PLXNA2: variants seen among roughly 807,000 people sequenced by gnomAD.
PLXNA2 encodes plexin A2.
In PLXNA2, 91 loss-of-function variants were observed where a neutral mutation model predicts 193.5. The ratio of observed to expected loss-of-function variants is 0.47; its 90% confidence interval spans 0.40 to 0.56. The LOEUF (loss-of-function observed/expected upper bound fraction) is 0.56, where lower values mean the gene tolerates loss of function less well. Among genes scored for constraint, PLXNA2 ranks in the 20% least tolerant of loss-of-function variants. The pLI is 0.00. For missense variants in PLXNA2, 1,995 were observed against 2,503.2 expected (o/e 0.80, Z 4.33); for synonymous variants, 997 against 1,027.3 (o/e 0.97, Z 0.56).
rs1357320282 is a variant in PLXNA2 at position 208,022,510 on chromosome 1, C to T, written c.*4733G>A. 6.6e-6 allele frequency: 1 copy of T among 152,466 alleles called. No individual in the cohort carries two copies. The highest frequency in any genetic ancestry group is 1.9e-4 in the East Asian group (1 of 5,200). 9.4% of individuals were successfully genotyped at this position (152,466 alleles called of 1,614,324 possible). A position where few individuals can be genotyped will look rare whatever the true frequency, so the allele number is the denominator to read the frequency against. ...TTAAAAATATATATAATACAGATTC[C>T]AGTGTGTCAAGAGGAGTGGGTTTGA... On this transcript the variant is annotated 3_prime_UTR_variant, in exon 32 of 32. Transcript: ENST00000367033.
intron 3 of PLXNA2, among the ~76,000 whole-genome samples, chr1:208,205,038 G>A (rs752677316): frequency 6.6e-5 from 10 of 152,198 alleles, no homozygotes; most frequent in African/African-American, 9.6e-5. Context: ...GGGTTGAGGC[G>A]GCAGTTTAGC....
intron 22 of PLXNA2, 62 bp downstream of exon 22, chr1:208,042,036 T>C: frequency 6.5e-7 from 1 of 1,548,190 alleles, no homozygotes; most frequent in South Asian, 1.2e-5. Context: ...CCTGCTATAA[T>C]GAGGTGCTCT....
rs140725582 is a variant in PLXNA2 at position 208,185,782 on chromosome 1, T to C, written c.1371+24498A>G. The stretch of plus-strand genomic sequence containing the variant: ...CTTAAGAGAGTAATAAGCTTTGTGT[T>C]CCTCCAGCTGGCTGCAAAAGGGAAT... On this transcript the variant is annotated intron_variant, in intron 3 of 31. Transcript: ENST00000367033. Among the ~76,000 whole-genome samples the C allele has an allele frequency of 6.1e-3, 922 of 151,500 alleles. 12 individuals are homozygous for C. Among genetic ancestry groups the C allele is most frequent in the African/African-American group, 0.021 (861 of 41,170 alleles).
chr1:208,134,548 C>T (rs1033187171), intron 4 of PLXNA2, among the ~76,000 whole-genome samples: 2 of 152,128 alleles, frequency 1.3e-5, no homozygotes, highest in Admixed American at 6.5e-5. Flanking sequence ...AGCAGCAATT[C>T]GCTTATCCTC....
At chr1:208,175,122 C>T (rs1669621678) in intron 3 of PLXNA2, among the ~76,000 whole-genome samples, 1 of 152,110 alleles carries the variant, frequency 6.6e-6, no homozygotes, top group East Asian at 1.9e-4. Flanking sequence ...GCTGATCCTG[C>T]AGGAATCTTT....
In PLXNA2 at chr1:208,039,606, T is replaced by C; in HGVS notation, c.4500+15A>G. 1 of 1,612,930 alleles carries C rather than the reference T, an allele frequency of 6.2e-7. No individual in the cohort carries two copies. Among genetic ancestry groups the C allele is most frequent in the Non-Finnish European group, 8.5e-7 (1 of 1,179,994 alleles). ...GAAGATACACAGGCGGGCCCGGAGC[T>C]TCCGGCTTCCTCACCAGGGTCTTGT... On this transcript the variant is annotated intron_variant, in intron 24 of 31. Coordinates refer to ENST00000367033, the MANE Select transcript of PLXNA2 (RefSeq NM_025179.4).
chr1:208,030,536 C>T, intron 29 of PLXNA2: 1 of 985,436 alleles, frequency 1.0e-6, no homozygotes, highest in Non-Finnish European at 1.2e-6. Flanking sequence ...CTGTTCGTTT[C>T]ACTCCACTGT....
At position 208,236,146 on chromosome 1, in the gene PLXNA2, G is replaced by C. The variant is rs1296271048; in HGVS notation, c.-81+7497C>G. 6.6e-6 allele frequency among the ~76,000 whole-genome samples: 1 copy of C among 152,172 alleles called. No individual in the cohort carries two copies. Among genetic ancestry groups the C allele is most frequent in the Non-Finnish European group, 1.5e-5 (1 of 68,038 alleles). On this transcript the variant is annotated intron_variant, in intron 1 of 31. Coordinates refer to ENST00000367033, the MANE Select transcript of PLXNA2 (RefSeq NM_025179.4). This position sits in a 1 kb window ranked among gnomAD's most constrained non-coding sequence, Gnocchi z 4.4. ...TTTGCTGACTCACGAGGGGCCTCCT[G>C]CCTGTGGACGGGGAAGGAGCCTGGG...
intron 29 of PLXNA2, 197 bp from the exon 30 acceptor site, chr1:208,029,239 T>C: frequency 7.1e-7 from 1 of 1,407,458 alleles, no homozygotes; most frequent in Non-Finnish European, 9.2e-7. Flanking sequence ...GAGAGGCACT[T>C]TGTACCCTAA....
At chr1:208,134,494 T>C (rs1302056843) in intron 4 of PLXNA2, among the ~76,000 whole-genome samples, 1 of 152,142 alleles carries the variant, frequency 6.6e-6, no homozygotes, top group Non-Finnish European at 1.5e-5. Flanking sequence ...CACATGTGCA[T>C]CAAAGCCTTG....
At chr1:208,032,811 G>A (rs1664543948) in intron 28 of PLXNA2, among the ~76,000 whole-genome samples, 1 of 152,124 alleles carries the variant, frequency 6.6e-6, no homozygotes, top group African/African-American at 2.4e-5. Flanking sequence ...GGGATAGAAA[G>A]GCCAGCATAT....
At chr1:208,030,635 A>G (rs1352025859) in intron 29 of PLXNA2, 5 of 985,202 alleles carry the variant, frequency 5.1e-6, no homozygotes, top group Non-Finnish European at 6.0e-6. Context: ...CTTTTTCCAA[A>G]GTGTTTTGTT....
intron 5 of PLXNA2, among the ~76,000 whole-genome samples, chr1:208,100,724 C>A (rs1056887587): frequency 1.3e-5 from 2 of 152,172 alleles, no homozygotes; most frequent in African/African-American, 4.8e-5. Context: ...GAGAGACAGA[C>A]AAGGCGCTGC....
At chr1:208,227,231 T>G (rs1671538555) in intron 1 of PLXNA2, among the ~76,000 whole-genome samples, 1 of 152,120 alleles carries the variant, frequency 6.6e-6, no homozygotes, top group Non-Finnish European at 1.5e-5. Context: ...ACTTATTTTC[T>G]GGAAAAAAAA....
chr1:208,027,896 A>G, intron 31 of PLXNA2, 113 bp downstream of exon 31: 2 of 1,000,738 alleles, frequency 2.0e-6, no homozygotes, highest in Non-Finnish European at 2.8e-6. Context: ...TTTCGAGCTC[A>G]TGGGCTTCTG....
At chr1:208,137,127 A>G (rs1340136939) in intron 4 of PLXNA2, among the ~76,000 whole-genome samples, 1 of 152,088 alleles carries the variant, frequency 6.6e-6, no homozygotes, top group Non-Finnish European at 1.5e-5. Flanking sequence ...GAAGTAGAGA[A>G]CAGAATCCCA....
intron 2 of PLXNA2, among the ~76,000 whole-genome samples, chr1:208,211,416 G>A (rs544359032): frequency 3.9e-5 from 6 of 152,264 alleles, no homozygotes; most frequent in African/African-American, 7.2e-5. Flanking sequence ...AATTGTGGCC[G>A]GGCACGGTGG....
intron 3 of PLXNA2, among the ~76,000 whole-genome samples, chr1:208,143,813 C>G (rs1668528461): frequency 6.6e-6 from 1 of 152,134 alleles, no homozygotes; most frequent in Non-Finnish European, 1.5e-5. Flanking sequence ...TATTGACTAC[C>G]TACTCGAATT....
intron 17 of PLXNA2, 83 bp from the exon 18 acceptor site, chr1:208,046,200 T>C (rs74152180): frequency 0.055 from 80,491 of 1,469,706 alleles, 4,558 homozygotes; most frequent in Admixed American, 0.19. Flanking sequence ...CCACCCTCTC[T>C]CTGCTTTTGT....
Sources: allele counts gnomAD v4.1 joint callset (sites outside exome capture counted in the v4.1 genomes callset), GRCh38; gene constraint gnomAD v4.1.1; non-coding constraint Gnocchi (gnomAD v3.1); transcripts MANE v1.5; gene names NCBI Gene and HGNC (gene_info 2026-07-23, HGNC 2026-07-21).